Variants in TCF7L1 observed in about 807,000 individuals in gnomAD.
TCF7L1 encodes the protein transcription factor 7 like 1, also known as transcription factor 7-like 1.
In TCF7L1, 18 loss-of-function variants were observed where a neutral mutation model predicts 63.7. That is an observed-to-expected ratio of 0.28 (90% CI 0.20 to 0.42). The LOEUF (loss-of-function observed/expected upper bound fraction) is 0.42, where lower values mean the gene tolerates loss of function less well. Ranked by LOEUF, TCF7L1 falls within the 10% of genes least tolerant of loss-of-function variation. TCF7L1 has a pLI of 1.00. For missense variants in TCF7L1, 654 were observed against 779.3 expected (o/e 0.84, Z 1.91); for synonymous variants, 355 against 340.9 (o/e 1.04, Z -0.46).
chr2:85,193,836 T>G (rs369820994), intron 3 of TCF7L1, among the ~76,000 whole-genome samples: 1 of 151,948 alleles, frequency 6.6e-6, no homozygotes. Context: ...AAAATGCATA[T>G]AGAGAGAGAG....
chr2:85,278,134 T>C (rs1175027694), intron 3 of TCF7L1, among the ~76,000 whole-genome samples: 2 of 152,130 alleles, frequency 1.3e-5, no homozygotes, highest in Non-Finnish European at 1.5e-5. Context: ...TAGGATGGAT[T>C]CTCCGCCTTC....
intron 3 of TCF7L1, among the ~76,000 whole-genome samples, chr2:85,197,463 C>T (rs1398095634): frequency 6.6e-6 from 1 of 152,108 alleles, no homozygotes; most frequent in Non-Finnish European, 1.5e-5. Flanking sequence ...TGCTAAGGCT[C>T]CTTGTGGGAC....
intron 5 of TCF7L1, among the ~76,000 whole-genome samples, chr2:85,302,861 G>A (rs896706537): frequency 2.6e-5 from 4 of 152,102 alleles, no homozygotes; most frequent in African/African-American, 7.2e-5. Context: ...AAAGCACAGG[G>A]CCTGGCTCCA....
In TCF7L1 at chr2:85,204,265, C is replaced by A. The variant is rs141007818; in HGVS notation, c.441+69815C>A. Among the ~76,000 whole-genome samples the A allele has an allele frequency of 7.0e-4, 39 of 55,884 alleles. No individual in the cohort carries two copies. In the East Asian group the frequency reaches 0.015, roughly 22 times the overall value. The allele number at this position is 55,884 out of a possible 152,430, so 36.7% of individuals were successfully genotyped here. Reference sequence around the variant, plus strand: ...TGGATTTTTTAACACAAAGAGGATTCTGTTATTTCTATTTGATAACTTGCT... The same window carrying A: ...TGGATTTTTTAACACAAAGAGGATTATGTTATTTCTATTTGATAACTTGCT... On this transcript the variant is annotated intron_variant, in intron 3 of 11. Transcript: ENST00000282111.
Position 85,249,000 on chromosome 2 carries a change from GA to G in TCF7L1, c.442-34485del, listed in dbSNP as rs146382976. 2.1e-3 allele frequency among the ~76,000 whole-genome samples: 309 copies of G among 148,782 alleles called. 2 individuals are homozygous for G. Among genetic ancestry groups the G allele is most frequent in the Non-Finnish European group, 2.9e-3 (197 of 67,108 alleles). On this transcript the variant is annotated intron_variant, in intron 3 of 11. Transcript: ENST00000282111. Reference sequence around the variant, plus strand: ...GACTTGACTCATTCCCTTGGGGAGGGAAAAAAAAAACAGGAGGAAGTAGGGA... The same window carrying G: ...GACTTGACTCATTCCCTTGGGGAGGGAAAAAAAAACAGGAGGAAGTAGGGA...
chr2:85,134,046 A>G lies in TCF7L1; in HGVS notation c.280A>G (p.Thr94Ala). Residue 94 changes from threonine to alanine, a missense_variant, in exon 2 of 12, where the codon ACT becomes GCT. Transcript: ENST00000282111. The surrounding 1 kb of genome is among the most constrained non-coding windows in gnomAD (Gnocchi z 5.0). ...AERRPQPVRD[T>A]FQKPRDYFAE... Reference sequence around the variant, plus strand: ...GAGGCGCCCGCAGCCCGTCCGGGACACTTTCCAGAAGCCGCGGGACTATTT... The same window carrying G: ...GAGGCGCCCGCAGCCCGTCCGGGACGCTTTCCAGAAGCCGCGGGACTATTT... 6.2e-7 allele frequency: 1 copy of G among 1,611,030 alleles called. No individual in the cohort carries two copies. The highest frequency in any genetic ancestry group is 8.5e-7 in the Non-Finnish European group (1 of 1,179,190).
At chr2:85,238,130 C>T (rs1680235197) in intron 3 of TCF7L1, among the ~76,000 whole-genome samples, 1 of 151,952 alleles carries the variant, frequency 6.6e-6, no homozygotes, top group South Asian at 2.1e-4. Context: ...TGGCAGCGAG[C>T]GAGGGAGGTG....
intron 3 of TCF7L1, among the ~76,000 whole-genome samples, chr2:85,220,957 C>G (rs62165584): frequency 2.0e-5 from 3 of 151,992 alleles, no homozygotes; most frequent in Non-Finnish European, 4.4e-5. Flanking sequence ...GGAGCTGATT[C>G]GATGTATGAA....
chr2:85,147,872 T>C (rs933710394), intron 3 of TCF7L1, among the ~76,000 whole-genome samples: 1 of 152,170 alleles, frequency 6.6e-6, no homozygotes, highest in Non-Finnish European at 1.5e-5. Context: ...TAAATGGGCT[T>C]ACATCTGGAT....
At chr2:85,261,935 C>A (rs1388742159) in intron 3 of TCF7L1, among the ~76,000 whole-genome samples, 2 of 152,134 alleles carry the variant, frequency 1.3e-5, no homozygotes, top group African/African-American at 4.8e-5. Context: ...CTTGTAATAA[C>A]ATAAGGGTAA....
At chr2:85,281,728 C>G (rs143812951) in intron 3 of TCF7L1, among the ~76,000 whole-genome samples, 1 of 152,176 alleles carries the variant, frequency 6.6e-6, no homozygotes, top group Non-Finnish European at 1.5e-5. Context: ...AGGTCTCCCG[C>G]GCCAGGCCTG....
rs140442731 is a variant in TCF7L1, at chr2:85,168,999, C to T, written c.441+34549C>T. 1.6e-4 allele frequency among the ~76,000 whole-genome samples: 25 copies of T among 152,288 alleles called. No individual in the cohort carries two copies. In the East Asian group the frequency reaches 4.8e-3, roughly 29 times the overall value. The stretch of plus-strand genomic sequence containing the variant: ...CCCAGGACAGAATAAATCTGAGAAC[C>T]TCCTGCCTCTATTTCCTCCATTCAA... On this transcript the variant is annotated intron_variant, in intron 3 of 11. Coordinates refer to ENST00000282111, the MANE Select transcript of TCF7L1 (RefSeq NM_031283.3).
chr2:85,291,447 C>T (rs745960974), intron 4 of TCF7L1, among the ~76,000 whole-genome samples: 18 of 152,318 alleles, frequency 1.2e-4, no homozygotes, highest in Middle Eastern at 3.4e-3. Flanking sequence ...AATCGCCTTT[C>T]CACTAGTTCC....
chr2:85,174,809 C>T (rs560100928), intron 3 of TCF7L1, among the ~76,000 whole-genome samples: 5 of 152,216 alleles, frequency 3.3e-5, no homozygotes, highest in Non-Finnish European at 5.9e-5. Flanking sequence ...ACACTTGGGC[C>T]CTGCTGGGGC....
intron 3 of TCF7L1, among the ~76,000 whole-genome samples, chr2:85,204,301 C>CA (rs1679344055): frequency 8.9e-6 from 1 of 111,888 alleles, no homozygotes; most frequent in Non-Finnish European, 2.0e-5. Context: ...TCCCCCCCCC[C>CA]CCCCACTTAA....
intron 3 of TCF7L1, among the ~76,000 whole-genome samples, chr2:85,194,244 G>C (rs1242380588): frequency 1.3e-5 from 2 of 152,106 alleles, no homozygotes; most frequent in Non-Finnish European, 2.9e-5. Flanking sequence ...TGGAATTACA[G>C]AATTCAGGAG....
rs181192743 is a variant in TCF7L1 at position 85,178,246 on chromosome 2, G to T, written c.441+43796G>T. 5.9e-5 allele frequency among the ~76,000 whole-genome samples: 9 copies of T among 152,364 alleles called. No homozygotes were observed. In the East Asian group the frequency reaches 1.7e-3, roughly 29 times the overall value. ...CAGTGCCTTTCTTACACACTTTTCA[G>T]AATTTCCTGTGTTTTCACCTGCCAT... On this transcript the variant is annotated intron_variant, in intron 3 of 11. Coordinates refer to ENST00000282111, the MANE Select transcript of TCF7L1 (RefSeq NM_031283.3).
intron 4 of TCF7L1, among the ~76,000 whole-genome samples, chr2:85,289,532 G>A (rs1422518941): frequency 2.6e-5 from 4 of 152,200 alleles, no homozygotes; most frequent in Non-Finnish European, 5.9e-5. Flanking sequence ...AAGGAGTTGA[G>A]GGATAGAGGA....
intron 3 of TCF7L1, among the ~76,000 whole-genome samples, chr2:85,216,534 A>T (rs1679716645): frequency 6.6e-6 from 1 of 152,200 alleles, no homozygotes; most frequent in Non-Finnish European, 1.5e-5. Context: ...AGAGAGTAAA[A>T]TAAGATAGAA....
Sources: allele counts gnomAD v4.1 joint callset (sites outside exome capture counted in the v4.1 genomes callset), GRCh38; gene constraint gnomAD v4.1.1; non-coding constraint Gnocchi (gnomAD v3.1); transcripts MANE v1.5; gene names NCBI Gene and HGNC (gene_info 2026-07-23, HGNC 2026-07-21).